C2CD3: variants seen among roughly 807,000 people sequenced by gnomAD.
C2CD3 encodes C2 domain containing 3 centriole elongation regulator.
A neutral mutation model predicts 234.0 loss-of-function variants in C2CD3; 148 were observed. The observed-to-expected ratio is 0.63, with a 90% CI of 0.55 to 0.72. The LOEUF (loss-of-function observed/expected upper bound fraction) is 0.72. Among genes scored for constraint, C2CD3 ranks in the 30% least tolerant of loss-of-function variants. C2CD3 has a pLI of 0.00. For synonymous variants in C2CD3, 1,000 were observed against 1,035.4 expected (o/e 0.97, Z 0.66); for missense variants, 2,577 against 2,811.5 (o/e 0.92, Z 1.89).
At chr11:74,168,677 C>G in intron 1 of C2CD3, 64 bp from the exon 2 acceptor site, 1 of 1,417,356 alleles carries the variant, frequency 7.1e-7, no homozygotes, top group South Asian at 1.3e-5. Context: ...ATATAATATG[C>G]TTTTTGAATG....
At chr11:74,121,656 A>C (rs1435523869) in intron 8 of C2CD3, among the ~76,000 whole-genome samples, 1 of 152,198 alleles carries the variant, frequency 6.6e-6, no homozygotes, top group Non-Finnish European at 1.5e-5. Context: ...TGAATTAAAA[A>C]CAGTATTTAG....
chr11:74,136,267 C>T (rs1957858656), intron 5 of C2CD3, among the ~76,000 whole-genome samples: 1 of 152,192 alleles, frequency 6.6e-6, no homozygotes, highest in East Asian at 1.9e-4. Context: ...AGACTACTAA[C>T]TCAGACCGAG....
At chr11:74,027,698 C>T (rs1169653994) in intron 32 of C2CD3, among the ~76,000 whole-genome samples, 1 of 152,130 alleles carries the variant, frequency 6.6e-6, no homozygotes, top group Non-Finnish European at 1.5e-5. Flanking sequence ...AGCATGACAC[C>T]TGATACAGGG....
intron 3 of C2CD3, among the ~76,000 whole-genome samples, chr11:74,149,126 T>C (rs747579609): frequency 2.6e-5 from 4 of 152,194 alleles, no homozygotes; most frequent in African/African-American, 7.2e-5. Flanking sequence ...TTTCCAGGCA[T>C]AACCTTTTGA....
chr11:74,158,863 T>C (rs1435860631), intron 3 of C2CD3, among the ~76,000 whole-genome samples: 1 of 152,054 alleles, frequency 6.6e-6, no homozygotes, highest in East Asian at 1.9e-4. Flanking sequence ...CAAATGATGG[T>C]GAGGATGTGG....
chr11:74,029,588 T>C (rs890782355), intron 31 of C2CD3, among the ~76,000 whole-genome samples: 3 of 152,220 alleles, frequency 2.0e-5, no homozygotes, highest in Non-Finnish European at 2.9e-5. Flanking sequence ...TTGCTGTTGC[T>C]GAAACTGCTG....
chr11:74,040,894 T>TCA (rs1010579671), intron 29 of C2CD3, among the ~76,000 whole-genome samples: 6 of 148,816 alleles, frequency 4.0e-5, no homozygotes, highest in South Asian at 2.1e-4. Flanking sequence ...CCTTTATCTA[T>TCA]CACACACACA....
intron 23 of C2CD3, among the ~76,000 whole-genome samples, chr11:74,077,100 C>G (rs1313086694): frequency 6.6e-6 from 1 of 152,096 alleles, no homozygotes; most frequent in African/African-American, 2.4e-5. Context: ...CTTTTCTGCT[C>G]TGTTTATTAC....
intron 13 of C2CD3, among the ~76,000 whole-genome samples, chr11:74,105,103 T>C (rs983334939): frequency 6.6e-6 from 1 of 152,150 alleles, no homozygotes; most frequent in Non-Finnish European, 1.5e-5. Context: ...CACAGAGGCA[T>C]GAACCAGCAT....
rs144462559 is a variant in C2CD3 at position 74,037,639 on chromosome 11, G to A, written c.5720C>T (p.Pro1907Leu). Residue 1907 changes from proline (P) to leucine (L), a missense_variant, in exon 30 of 33, where the codon CCT becomes CTT. Physicochemically the swap from Pro to Leu is moderately conservative, Grantham distance 98 (BLOSUM62 -3). Transcript: ENST00000334126. ...AGTCTGAGGGCTGAGGGGTAGGAAAGGCTTGGTGAGCTTCTGGCGGAAGTA... is the reference window on the plus strand; with the variant it reads ...AGTCTGAGGGCTGAGGGGTAGGAAAAGCTTGGTGAGCTTCTGGCGGAAGTA... Reference protein sequence around the residue: ...QRYFRQKLTKPFLPLSPQTQT... With the variant: ...QRYFRQKLTKLFLPLSPQTQT... 45 of 1,613,976 alleles carry A rather than the reference G, an allele frequency of 2.8e-5. No individual in the cohort carries two copies. The highest frequency in any genetic ancestry group is 3.4e-6 in the Non-Finnish European group (4 of 1,180,004).
At chr11:74,045,424 C>T in intron 28 of C2CD3, among the ~76,000 whole-genome samples, 1 of 152,172 alleles carries the variant, frequency 6.6e-6, no homozygotes, top group Non-Finnish European at 1.5e-5. Context: ...TGTCCATTTC[C>T]ACAAAGCCAG....
At position 74,170,950 on chromosome 11, in the gene C2CD3, C is replaced by G; in HGVS notation, c.-158G>C. On this transcript the variant is annotated 5_prime_UTR_variant, in exon 1 of 33. Transcript: ENST00000334126. ...AAGCGACTCTTCCTCTAACAGTCTC[C>G]GGAAAACGGTGCGAAGAGAAGGCGC... The G allele has an allele frequency of 2.0e-6, 3 of 1,485,096 alleles. No homozygotes were observed. The highest frequency in any genetic ancestry group is 2.5e-5 in the East Asian group (1 of 40,652). 92.0% of individuals were successfully genotyped at this position (1,485,096 alleles called of 1,614,324 possible). A position where few individuals can be genotyped will look rare whatever the true frequency, so the allele number is the denominator to read the frequency against.
rs1290130394 is a variant in C2CD3, at chr11:74,021,570, CAAG to C, written c.6921+6714_6921+6716del. 2.6e-4 allele frequency among the ~76,000 whole-genome samples: 39 copies of C among 152,134 alleles called. No individual in the cohort carries two copies. In the East Asian group the frequency reaches 6.4e-3, roughly 25 times the overall value. On this transcript the variant is annotated intron_variant, in intron 32 of 32. Transcript: ENST00000334126. ...GGAGCAGCCAGTGAGGGAGGAGAAC[CAAG>C]AAGAAGTGATGCCTTAGAAATAAGT...
Position 74,123,006 on chromosome 11 carries a change from A to G in C2CD3, c.1347T>C (p.Asn449=), listed in dbSNP as rs2135524023. 2 of 1,613,578 alleles carry G rather than the reference A, an allele frequency of 1.2e-6. No individual in the cohort carries two copies. Among genetic ancestry groups the G allele is most frequent in the South Asian group, 2.2e-5 (2 of 91,064 alleles). Residue 449 remains asparagine (N), a synonymous_variant, in exon 8 of 33, where the codon AAT becomes AAC. Transcript: ENST00000334126. The part of the protein sequence containing the change: ...DPQYDQSLLE[N]LFYTAPKSDT... The stretch of plus-strand genomic sequence containing the variant: ...GACTTACAGGTGCTGTATAAAATAA[A>G]TTCTCCAGAAGACTCTGGTCATACT...
intron 1 of C2CD3, among the ~76,000 whole-genome samples, chr11:74,170,320 T>C (rs758601761): frequency 6.6e-6 from 1 of 152,098 alleles, no homozygotes; most frequent in Non-Finnish European, 1.5e-5. Context: ...GTACTAATCC[T>C]TGGTCATTCA....
intron 3 of C2CD3, among the ~76,000 whole-genome samples, chr11:74,149,602 T>C (rs891140669): frequency 1.3e-5 from 2 of 152,146 alleles, no homozygotes; most frequent in Non-Finnish European, 2.9e-5. Context: ...TGTAACTTTT[T>C]TTTTTTTTTG....
At chr11:74,154,746 A>G (rs535005004) in intron 3 of C2CD3, among the ~76,000 whole-genome samples, 17 of 152,328 alleles carry the variant, frequency 1.1e-4, no homozygotes, top group Admixed American at 9.1e-4. Context: ...ACAACTATTT[A>G]CAAATATAGG....
Position 74,103,243 on chromosome 11 carries a change from T to A in C2CD3, c.2468A>T (p.Glu823Val). 1 of 1,614,202 alleles carries A rather than the reference T, an allele frequency of 6.2e-7. No homozygotes were observed. The highest frequency in any genetic ancestry group is 8.5e-7 in the Non-Finnish European group (1 of 1,180,024). Residue 823 changes from glutamate to valine, a missense_variant, in exon 14 of 33, where the codon GAG becomes GTG. Physicochemically the swap from Glu to Val is moderately radical, Grantham distance 121. Coordinates refer to ENST00000334126, the MANE Select transcript of C2CD3 (RefSeq NM_001286577.2). ...ATAAACATTGCATGGTGATTGTTTC[T>A]CAGATTCTCCACTAATAAAATCTTT... is the stretch of plus-strand genomic sequence containing the variant. ...DGKDFISGES[E>V]KQSPCNVYLN...
intron 15 of C2CD3, among the ~76,000 whole-genome samples, chr11:74,099,634 T>G (rs1416283067): frequency 1.3e-5 from 2 of 152,156 alleles, no homozygotes; most frequent in African/African-American, 4.8e-5. Context: ...CGGTGGCTCA[T>G]GCCTGTAACA....
Sources: gnomAD v4.1 joint callset for allele counts (sites outside exome capture counted in the v4.1 genomes callset) on GRCh38, gnomAD v4.1.1 for gene constraint, MANE v1.5 for transcripts, NCBI Gene and HGNC (gene_info 2026-07-23, HGNC 2026-07-21) for gene names.